The following SLC26A5 variants were observed in gnomAD, a reference collection of about 807,000 sequenced individuals.
SLC26A5 encodes solute carrier family 26 member 5, also known as prestin.
Under a neutral mutation model 81.0 loss-of-function variants are expected in SLC26A5, and 51 were observed. The observed-to-expected ratio is 0.63, with a 90% CI of 0.50 to 0.80. The LOEUF is 0.80. Ranked by LOEUF, SLC26A5 falls within the 30% of genes least tolerant of loss-of-function variation. The pLI, the probability that SLC26A5 is intolerant of heterozygous loss-of-function variation, is 0.00. For synonymous variants in SLC26A5, 325 were observed against 332.8 expected (o/e 0.98, Z 0.25); for missense variants, 771 against 905.8 (o/e 0.85, Z 1.91).
At chr7:103,445,571 C>G (rs1827236079) in intron 1 of SLC26A5, 1 of 152,216 alleles carries the variant, frequency 6.6e-6, no homozygotes, top group African/African-American at 2.4e-5. Flanking sequence ...TGAGCCTTGC[C>G]CGGCGCTGAG....
At chr7:103,353,957 A>G in intron 19 of SLC26A5, 1 of 1,594,432 alleles carries the variant, frequency 6.3e-7, no homozygotes, top group Non-Finnish European at 8.6e-7. Flanking sequence ...TTGAAAACTT[A>G]TGTAAGTCCT....
At chr7:103,387,665 G>A (rs1822301788) in intron 14 of SLC26A5, among the ~76,000 whole-genome samples, 1 of 152,176 alleles carries the variant, frequency 6.6e-6, no homozygotes. Flanking sequence ...CTAAAGTCCA[G>A]GCTATTTCTT....
At chr7:103,407,258 G>A (rs1335721985) in intron 8 of SLC26A5, among the ~76,000 whole-genome samples, 1 of 152,212 alleles carries the variant, frequency 6.6e-6, no homozygotes, top group African/African-American at 2.4e-5. Flanking sequence ...TCAGAGGTTT[G>A]AGGATCTAAG....
intron 9 of SLC26A5, among the ~76,000 whole-genome samples, chr7:103,397,594 G>A (rs899183176): frequency 1.4e-5 from 2 of 144,156 alleles, no homozygotes; most frequent in East Asian, 2.0e-4. Flanking sequence ...GCATACGCCT[G>A]TAATCCCAGC....
At chr7:103,423,272 C>A (rs569384120) in intron 2 of SLC26A5, among the ~76,000 whole-genome samples, 1 of 152,062 alleles carries the variant, frequency 6.6e-6, no homozygotes, top group African/African-American at 2.4e-5. Context: ...AACTCCGTCT[C>A]AAAGGCAACA....
At chr7:103,355,267 C>T (rs958737358) in intron 19 of SLC26A5, among the ~76,000 whole-genome samples, 3 of 152,166 alleles carry the variant, frequency 2.0e-5, no homozygotes, top group Non-Finnish European at 4.4e-5. Flanking sequence ...GATCTCACAA[C>T]ATAGTTTTGC....
chr7:103,438,384 C>T (rs1826623438), intron 2 of SLC26A5, among the ~76,000 whole-genome samples: 1 of 144,948 alleles, frequency 6.9e-6, no homozygotes. Flanking sequence ...ATTGAGATTT[C>T]TTTTCTTTTT....
intron 4 of SLC26A5, among the ~76,000 whole-genome samples, chr7:103,413,620 C>T (rs1824678401): frequency 6.6e-6 from 1 of 152,088 alleles, no homozygotes; most frequent in African/African-American, 2.4e-5. Context: ...ATCCTGTAGG[C>T]AGTCTTCTTA....
Position 103,410,412 on chromosome 7 carries a change from C to A in SLC26A5, c.708G>T (p.Arg236=), listed in dbSNP as rs376335603. The A allele has an allele frequency of 6.2e-7, 1 of 1,614,068 alleles. No homozygotes were observed. The highest frequency in any genetic ancestry group is 1.1e-5 in the South Asian group (1 of 91,084). Residue 236 remains arginine (R), a synonymous_variant, in exon 7 of 20, where the codon CGG becomes CGT. Transcript: ENST00000306312. The stretch of plus-strand genomic sequence containing the variant: ...ACACCACGGAAAAGATTCCACTGTA[C>A]CGCTTTGTTTTAACTCCAAACAGAT... ...LKYLFGVKTK[R]YSGIFSVVYS...
At chr7:103,431,207 A>G (rs1265767148) in intron 2 of SLC26A5, among the ~76,000 whole-genome samples, 1 of 152,220 alleles carries the variant, frequency 6.6e-6, no homozygotes, top group East Asian at 1.9e-4. Flanking sequence ...CCAACATAAT[A>G]TACACATGAT....
intron 2 of SLC26A5, 98 bp from the exon 3 acceptor site, chr7:103,421,665 G>A: frequency 2.5e-6 from 2 of 801,950 alleles, no homozygotes; most frequent in East Asian, 2.7e-5. Flanking sequence ...TTCTTCTGAG[G>A]CTTTCTTTGG....
At chr7:103,376,010 G>A (rs1382315371) in intron 19 of SLC26A5, among the ~76,000 whole-genome samples, 1 of 152,050 alleles carries the variant, frequency 6.6e-6, no homozygotes, top group Admixed American at 6.6e-5. Flanking sequence ...GCCTGCCTCA[G>A]CCTCCCAAAG....
chr7:103,381,636 G>A (rs902894648), intron 14 of SLC26A5, among the ~76,000 whole-genome samples: 8 of 146,128 alleles, frequency 5.5e-5, no homozygotes, highest in Admixed American at 2.1e-4. Context: ...CCACACATGC[G>A]TACATACCAC....
chr7:103,382,012 C>G (rs577369981), intron 14 of SLC26A5, among the ~76,000 whole-genome samples: 1 of 152,222 alleles, frequency 6.6e-6, no homozygotes, highest in East Asian at 1.9e-4. Context: ...TCCCCTCCCC[C>G]CAACACCATA....
At chr7:103,404,107 C>T (rs576452549) in intron 8 of SLC26A5, among the ~76,000 whole-genome samples, 33 of 152,060 alleles carry the variant, frequency 2.2e-4, no homozygotes, top group Non-Finnish European at 4.3e-4. Flanking sequence ...TGCTTGAACC[C>T]GGGAAGCGGA....
At chr7:103,379,376 T>C (rs1431787280) in intron 15 of SLC26A5, 41 bp from the exon 16 acceptor site, 5 of 1,344,130 alleles carry the variant, frequency 3.7e-6, no homozygotes, top group Non-Finnish European at 5.3e-6. Context: ...CATGGAAATA[T>C]TTCAGAATCA....
downstream of SLC26A5, among the ~76,000 whole-genome samples, chr7:103,372,262 G>A (rs1821086047): frequency 6.6e-6 from 1 of 152,174 alleles, no homozygotes; most frequent in African/African-American, 2.4e-5. Flanking sequence ...TAAAGAGAGT[G>A]AGAAATCTGA....
intron 7 of SLC26A5, among the ~76,000 whole-genome samples, chr7:103,409,307 C>A (rs931682894): frequency 3.9e-5 from 6 of 152,250 alleles, no homozygotes; most frequent in Non-Finnish European, 4.4e-5. Context: ...CCTACAAAGG[C>A]AACAGGCCTC....
chr7:103,371,629 A>G (rs1339453526), downstream of SLC26A5, among the ~76,000 whole-genome samples: 1 of 151,480 alleles, frequency 6.6e-6, no homozygotes, highest in Non-Finnish European at 1.5e-5. Context: ...TGGCCTGTAC[A>G]CTACTGTCAA....
Sources: gnomAD v4.1 joint callset for allele counts (sites outside exome capture counted in the v4.1 genomes callset) on GRCh38, gnomAD v4.1.1 for gene constraint, MANE v1.5 for transcripts, NCBI Gene and HGNC (gene_info 2026-07-23, HGNC 2026-07-21) for gene names.